The following GRM5 variants were observed in gnomAD, a reference collection of about 807,000 sequenced individuals.
GRM5 encodes metabotropic glutamate receptor 5.
In GRM5, 19 loss-of-function variants were observed where a neutral mutation model predicts 83.1. The observed-to-expected ratio is 0.23, with a 90% confidence interval of 0.16 to 0.34. The LOEUF (loss-of-function observed/expected upper bound fraction) is 0.34. GRM5 is among the 10% of genes least tolerant of loss of function. GRM5 has a pLI of 1.00. For synonymous variants in GRM5, 675 were observed against 633.6 expected (o/e 1.07, Z -0.98); for missense variants, 1,160 against 1,588.3 (o/e 0.73, Z 4.58).
At chr11:89,017,837 T>A (rs1483409599) in intron 2 of GRM5, among the ~76,000 whole-genome samples, 1 of 152,178 alleles carries the variant, frequency 6.6e-6, no homozygotes, top group East Asian at 1.9e-4. Flanking sequence ...GGTTTTCAGT[T>A]CCTACAGAGA....
chr11:88,962,206 A>G (rs1458463938), intron 2 of GRM5, among the ~76,000 whole-genome samples: 1 of 152,224 alleles, frequency 6.6e-6, no homozygotes, highest in Non-Finnish European at 1.5e-5. Flanking sequence ...TCCATTCGCC[A>G]TGCACTCACC....
rs960203246 is a variant in GRM5, at chr11:88,509,296, C to A, written c.2935G>T (p.Gly979Cys). The A allele has an allele frequency of 6.7e-7, 1 of 1,500,960 alleles. No individual in the cohort carries two copies. Among genetic ancestry groups the A allele is most frequent in the South Asian group, 1.3e-5 (1 of 79,048 alleles). The allele number at this position is 1,500,960 out of a possible 1,614,324, so 93.0% of individuals were successfully genotyped here. A position where few individuals can be genotyped will look rare whatever the true frequency, so the allele number is the denominator to read the frequency against. ...GSAGGVGATG[G>C]AGCAGAGPGG... ...GGGCCGGCGCCTGCGCAGCCCGCACCGCCCGTGGCCCCCACGCCCCCAGCG... is the reference window on the plus strand; with the variant it reads ...GGGCCGGCGCCTGCGCAGCCCGCACAGCCCGTGGCCCCCACGCCCCCAGCG... The change falls in exon 10 of 10, where the codon GGT becomes TGT. Residue 979 changes from glycine to cysteine, a missense_variant. Physicochemically the swap from Gly to Cys is radical, Grantham distance 159. This residue lies in a region of GRM5 where 562 missense variants were observed against 532.4 expected (regional missense o/e 1.06). Transcript: ENST00000305447.
At chr11:88,662,191 C>G (rs1250035690) in intron 3 of GRM5, among the ~76,000 whole-genome samples, 1 of 152,160 alleles carries the variant, frequency 6.6e-6, no homozygotes, top group African/African-American at 2.4e-5. Context: ...TCTGAGGAAA[C>G]TGGAGGATTA....
Position 88,605,110 on chromosome 11 carries a change from AG to A in GRM5, c.1148-147del. 9.2e-6 allele frequency: 6 copies of A among 651,704 alleles called. No individual in the cohort carries two copies. In the South Asian group the frequency reaches 1.1e-4, roughly 12 times the overall value. The allele number at this position is 651,704 out of a possible 1,614,324, so 40.4% of individuals were successfully genotyped here. On this transcript the variant is annotated intron_variant, in intron 4 of 9. Transcript: ENST00000305447. ...AGAACCATGGGTAACACTGAGAAACAGTACCAACATAATGGGCCTGATAGTT... is the reference window on the plus strand; with the variant it reads ...AGAACCATGGGTAACACTGAGAAACATACCAACATAATGGGCCTGATAGTT...
intron 2 of GRM5, among the ~76,000 whole-genome samples, chr11:89,008,611 T>C (rs1436205437): frequency 6.6e-6 from 1 of 152,170 alleles, no homozygotes; most frequent in Non-Finnish European, 1.5e-5. Context: ...AACACAATCA[T>C]GTTGTTACTG....
At chr11:88,835,998 C>T (rs1432570459) in intron 3 of GRM5, among the ~76,000 whole-genome samples, 1 of 152,134 alleles carries the variant, frequency 6.6e-6, no homozygotes, top group African/African-American at 2.4e-5. Flanking sequence ...TCCTAAGACT[C>T]TCCGATCTCA....
chr11:88,870,349 A>AT (rs1944742613), intron 2 of GRM5, among the ~76,000 whole-genome samples: 1 of 151,582 alleles, frequency 6.6e-6, no homozygotes, highest in African/African-American at 2.4e-5. Flanking sequence ...ATTTAAAAAT[A>AT]TTTTTCTGGC....
intron 3 of GRM5, among the ~76,000 whole-genome samples, chr11:88,736,555 A>G (rs554419237): frequency 3.9e-5 from 6 of 152,068 alleles, no homozygotes; most frequent in African/African-American, 1.4e-4. Context: ...ATTACATAGT[A>G]GAGTTAATGT....
intron 2 of GRM5, among the ~76,000 whole-genome samples, chr11:89,025,510 G>C (rs988617339): frequency 3.3e-5 from 5 of 152,166 alleles, no homozygotes; most frequent in Non-Finnish European, 7.3e-5. Context: ...ACCTGGAAGT[G>C]ATCTATGCTT....
At chr11:88,578,727 T>C (rs1337865425) in intron 7 of GRM5, among the ~76,000 whole-genome samples, 2 of 152,120 alleles carry the variant, frequency 1.3e-5, no homozygotes, top group African/African-American at 2.4e-5. Context: ...CGTTGAGAAA[T>C]TGGAAGAGTA....
chr11:88,557,098 G>A (rs910443716), intron 8 of GRM5, among the ~76,000 whole-genome samples: 5 of 152,070 alleles, frequency 3.3e-5, no homozygotes, highest in African/African-American at 9.7e-5. Flanking sequence ...ATAGACCTGC[G>A]TTTGAATCCT....
chr11:88,704,341 A>T (rs951389148), intron 3 of GRM5, among the ~76,000 whole-genome samples: 3 of 152,044 alleles, frequency 2.0e-5, no homozygotes, highest in Non-Finnish European at 4.4e-5. Flanking sequence ...TTAGGTGGTA[A>T]GAAACAGGGC....
intron 4 of GRM5, among the ~76,000 whole-genome samples, chr11:88,639,320 A>G (rs1183988904): frequency 6.6e-6 from 1 of 152,102 alleles, no homozygotes; most frequent in African/African-American, 2.4e-5. Flanking sequence ...TCTGTGCTCT[A>G]CAAACTCTAG....
intron 2 of GRM5, among the ~76,000 whole-genome samples, chr11:88,853,199 T>G (rs945127264): frequency 2.0e-5 from 3 of 152,164 alleles, no homozygotes; most frequent in Non-Finnish European, 4.4e-5. Context: ...TAGCTCACGC[T>G]ACTTACAGGT....
intron 2 of GRM5, among the ~76,000 whole-genome samples, chr11:89,006,425 T>A (rs947122297): frequency 6.6e-6 from 1 of 152,198 alleles, no homozygotes; most frequent in African/African-American, 2.4e-5. Flanking sequence ...ACTCTCTCCC[T>A]GCTTCCACCT....
chr11:88,796,367 G>A (rs189927548), intron 3 of GRM5, among the ~76,000 whole-genome samples: 4 of 152,036 alleles, frequency 2.6e-5, no homozygotes, highest in African/African-American at 9.6e-5. Context: ...TATGCTGTTT[G>A]GAATAAAAGA....
At chr11:88,944,867 C>T (rs1938227883) in intron 2 of GRM5, among the ~76,000 whole-genome samples, 1 of 151,736 alleles carries the variant, frequency 6.6e-6, no homozygotes, top group Non-Finnish European at 1.5e-5. Flanking sequence ...GCTAGAGCAA[C>T]AAGGCAACAG....
At chr11:88,747,536 T>A (rs1331703033) in intron 3 of GRM5, among the ~76,000 whole-genome samples, 1 of 152,130 alleles carries the variant, frequency 6.6e-6, no homozygotes, top group Non-Finnish European at 1.5e-5. Flanking sequence ...ATACACACAG[T>A]AAAGTGTAAG....
chr11:88,837,965 G>T (rs1177688395), intron 3 of GRM5, among the ~76,000 whole-genome samples: 1 of 150,636 alleles, frequency 6.6e-6, no homozygotes, highest in Non-Finnish European at 1.5e-5. Context: ...GGTGCCTGTA[G>T]TCCCAGCTAC....
Sources: gnomAD v4.1 joint callset for allele counts (sites outside exome capture counted in the v4.1 genomes callset) on GRCh38, gnomAD v4.1.1 for gene constraint, gnomAD v4.1.1 regional missense constraint, MANE v1.5 for transcripts, NCBI Gene and HGNC (gene_info 2026-07-23, HGNC 2026-07-21) for gene names.